Variants in MON2 observed in about 807,000 individuals in gnomAD.
MON2 encodes the protein MON2 regulator of endosome-to-Golgi trafficking.
A neutral mutation model predicts 208.6 loss-of-function variants in MON2; 84 were observed. That is an observed-to-expected ratio of 0.40 (90% CI 0.34 to 0.48). The LOEUF (loss-of-function observed/expected upper bound fraction) is 0.48, where lower values mean the gene tolerates loss of function less well. MON2 is among the 20% of genes least tolerant of loss of function. The pLI is 0.59. For missense variants in MON2, 1,611 were observed against 2,015.4 expected (o/e 0.80, Z 3.84); for synonymous variants, 660 against 694.0 (o/e 0.95, Z 0.77).
At position 62,508,330 on chromosome 12, in the gene MON2, T is replaced by C. The variant is rs762596564; in HGVS notation, c.834T>C (p.Leu278=). Residue 278 remains leucine, a synonymous_variant, in exon 8 of 35, where the codon CTT becomes CTC. Transcript: ENST00000393630. ...SFLLKERVCP[L]VIKLFSPNIK... ...TCCTCAAAGAAAGGGTATGTCCTCT[T>C]GTGATAAAGCTCTTTTCTCCAAATA... 1 of 1,613,946 alleles carries C rather than the reference T, an allele frequency of 6.2e-7. No homozygotes were observed. Among genetic ancestry groups the C allele is most frequent in the African/African-American group, 1.3e-5 (1 of 74,922 alleles).
chr12:62,522,245 G>C (rs1443144465), intron 8 of MON2, among the ~76,000 whole-genome samples: 1 of 151,918 alleles, frequency 6.6e-6, no homozygotes, highest in African/African-American at 2.4e-5. Flanking sequence ...ACTGTTTTTA[G>C]AAAGGAATCA....
Position 62,535,716 on chromosome 12 carries a change from C to G in MON2, c.1900+7C>G. The G allele has an allele frequency of 1.3e-6, 2 of 1,597,678 alleles. No homozygotes were observed. Among genetic ancestry groups the G allele is most frequent in the Non-Finnish European group, 1.7e-6 (2 of 1,170,818 alleles). ...GCTACACTTTCCAACAAATGTAAGA[C>G]AGGCTTACTCAAAATTCTCTCTATG... On this transcript the variant is annotated splice_region_variant and intron_variant, in intron 14 of 34. Transcript: ENST00000393630.
chr12:62,528,918 T>C (rs1175329394), intron 11 of MON2, among the ~76,000 whole-genome samples: 1 of 152,194 alleles, frequency 6.6e-6, no homozygotes, highest in African/African-American at 2.4e-5. Flanking sequence ...TAAACATGTG[T>C]CATGGGGATT....
chr12:62,467,339 G>C (rs772951088), intron 1 of MON2, 21 bp downstream of exon 1: 10 of 1,594,862 alleles, frequency 6.3e-6, no homozygotes, highest in Admixed American at 1.7e-5. Context: ...GGTGACGTCA[G>C]GAGAAGGCAC....
At chr12:62,571,656 C>T in intron 30 of MON2, 74 bp downstream of exon 30, 2 of 1,212,370 alleles carry the variant, frequency 1.6e-6, no homozygotes, top group Non-Finnish European at 2.3e-6. Flanking sequence ...AAACAGTTGT[C>T]TTTATTCATT....
In MON2 at chr12:62,467,174, A is replaced by G. The variant is rs1423806434; in HGVS notation, c.-34A>G. The G allele has an allele frequency of 3.2e-6, 5 of 1,585,824 alleles. No homozygotes were observed. Among genetic ancestry groups the G allele is most frequent in the Admixed American group, 1.7e-5 (1 of 59,806 alleles). On this transcript the variant is annotated 5_prime_UTR_variant, in exon 1 of 35. Transcript: ENST00000393630. ...GCTGACCGTGCCAGAGCTTGTTTGT[A>G]CCTCTCGGAAATTGGCTGGGACCTT...
chr12:62,519,847 G>T (rs940016802), intron 8 of MON2, among the ~76,000 whole-genome samples: 2 of 152,168 alleles, frequency 1.3e-5, no homozygotes, highest in African/African-American at 4.8e-5. Flanking sequence ...ACGGAGTCTC[G>T]CTCTGTCACC....
chr12:62,519,814 C>CT (rs934821275), intron 8 of MON2, among the ~76,000 whole-genome samples: 2 of 152,130 alleles, frequency 1.3e-5, no homozygotes, highest in African/African-American at 4.8e-5. Context: ...GGTACACTTT[C>CT]TTTTTTTGTT....
intron 2 of MON2, among the ~76,000 whole-genome samples, chr12:62,491,681 C>T (rs1414124663): frequency 2.6e-5 from 4 of 152,192 alleles, no homozygotes; most frequent in Non-Finnish European, 4.4e-5. Context: ...GGCTTTACTA[C>T]CTACTTACTA....
At chr12:62,565,121 A>G (rs949520871) in intron 26 of MON2, 116 bp from the exon 27 acceptor site, 25 of 1,007,414 alleles carry the variant, frequency 2.5e-5, no homozygotes, top group Non-Finnish European at 3.7e-5. Context: ...AAAAGATGGT[A>G]TAATACATAA....
chr12:62,577,426 A>G (rs2074834576), intron 30 of MON2, among the ~76,000 whole-genome samples: 1 of 152,088 alleles, frequency 6.6e-6, no homozygotes, highest in African/African-American at 2.4e-5. Flanking sequence ...AAAATGTCCA[A>G]ATCAAAGAAA....
At chr12:62,560,425 G>A (rs369088772) in intron 25 of MON2, 66 bp from the exon 26 acceptor site, 2 of 1,459,218 alleles carry the variant, frequency 1.4e-6, no homozygotes, top group African/African-American at 2.8e-5. Flanking sequence ...GCTTTCAAGT[G>A]TCTAATATGA....
intron 2 of MON2, 103 bp downstream of exon 2, chr12:62,484,336 C>T: frequency 1.4e-6 from 1 of 712,346 alleles, no homozygotes; most frequent in Non-Finnish European, 2.4e-6. Flanking sequence ...ACATCTCTTC[C>T]TCATGCCCTA....
chr12:62,549,547 G>T, intron 22 of MON2, 121 bp from the exon 23 acceptor site: 1 of 766,752 alleles, frequency 1.3e-6, no homozygotes, highest in Non-Finnish European at 2.0e-6. Context: ...ATCCAGGGAG[G>T]TTGAGAGTGA....
Position 62,538,264 on chromosome 12 carries a change from G to A in MON2, c.2212G>A (p.Ala738Thr). 5.0e-6 allele frequency: 8 copies of A among 1,613,226 alleles called. No homozygotes were observed. Among genetic ancestry groups the A allele is most frequent in the Non-Finnish European group, 6.8e-6 (8 of 1,179,326 alleles). Reference protein sequence around the residue: ...VEGPSTVLTTAVMTDLPVISN... With the variant: ...VEGPSTVLTTTVMTDLPVISN... ...TTATTCTTCTCAGGTTCTAACAACA[G>A]CAGTGATGACAGATTTACCAGTGAT... The change falls in exon 18 of 35, where the codon GCA becomes ACA. Residue 738 changes from alanine (A) to threonine (T), a missense_variant. Coordinates refer to ENST00000393630, the MANE Select transcript of MON2 (RefSeq NM_015026.3).
chr12:62,537,247 C>G lies in MON2; in HGVS notation c.1997C>G (p.Pro666Arg), dbSNP rs1356431247. Residue 666 changes from proline to arginine, a missense_variant, in exon 15 of 35, where the codon CCT becomes CGT. By Grantham distance (103) the Pro-to-Arg change is moderately radical (BLOSUM62 -2). Transcript: ENST00000393630. The part of the protein sequence containing the change: ...VAVGQPLAVQ[P>R]QGTVMLTSKN... Reference sequence around the variant, plus strand: ...GTGGGTCAACCTTTAGCAGTCCAGCCTCAAGGGACAGTAATGGTAATGTAC... The same window carrying G: ...GTGGGTCAACCTTTAGCAGTCCAGCGTCAAGGGACAGTAATGGTAATGTAC... The G allele has an allele frequency of 6.2e-7, 1 of 1,607,424 alleles. No individual in the cohort carries two copies. Among genetic ancestry groups the G allele is most frequent in the African/African-American group, 1.3e-5 (1 of 74,752 alleles).
At chr12:62,521,906 C>G (rs987837216) in intron 8 of MON2, among the ~76,000 whole-genome samples, 3 of 152,126 alleles carry the variant, frequency 2.0e-5, no homozygotes, top group African/African-American at 7.2e-5. Flanking sequence ...TTATAAGGGG[C>G]TAGTGGCTGG....
chr12:62,481,503 G>A (rs540186274), intron 1 of MON2, among the ~76,000 whole-genome samples: 2 of 130,000 alleles, frequency 1.5e-5, no homozygotes, highest in African/African-American at 6.1e-5. Flanking sequence ...GCAACAGAGC[G>A]AGACTCCGTC....
chr12:62,495,689 CAAAAAAAAAAAAAAA>C (rs56155110), intron 4 of MON2, among the ~76,000 whole-genome samples: 3 of 108,508 alleles, frequency 2.8e-5, no homozygotes, highest in Non-Finnish European at 5.7e-5. Flanking sequence ...GACTCCGTCT[CAAAAAAAAAAAAAAA>C]AAAAAAAAAA....
Sources: gnomAD v4.1 joint callset for allele counts (sites outside exome capture counted in the v4.1 genomes callset) on GRCh38, gnomAD v4.1.1 for gene constraint, MANE v1.5 for transcripts, NCBI Gene and HGNC (gene_info 2026-07-23, HGNC 2026-07-21) for gene names.